ANKK1: variants seen among roughly 807,000 people sequenced by gnomAD.
ANKK1 encodes ankyrin repeat and protein kinase domain-containing protein 1.
Under a neutral mutation model 37.6 loss-of-function variants are expected in ANKK1, and 37 were observed. The ratio of observed to expected loss-of-function variants is 0.98; its 90% confidence interval spans 0.76 to 1.29. The LOEUF (loss-of-function observed/expected upper bound fraction) is 1.29, where lower values mean the gene tolerates loss of function less well. ANKK1 is among the 50% of genes most tolerant of loss of function. ANKK1 has a pLI of 0.00. For synonymous variants in ANKK1, 415 were observed against 418.7 expected, an observed-to-expected ratio of 0.99 and a Z score of 0.11; for missense variants, 1,019 against 990.6, an observed-to-expected ratio of 1.03 and a Z score of -0.39.
In ANKK1 at chr11:113,395,039, G is replaced by A. The variant is rs1297181770; in HGVS notation, c.591G>A (p.Leu197=). ...GCTACATCCCCCCTGAGATGTTCCTGGAGAGTAACAAGGCCCCAGGACCTA... is the reference window on the plus strand; with the variant it reads ...GCTACATCCCCCCTGAGATGTTCCTAGAGAGTAACAAGGCCCCAGGACCTA... ...MLSYIPPEMF[L]ESNKAPGPKY... is the part of the protein sequence containing the mutation. The change falls in exon 3 of 8, where the codon CTG becomes CTA. Residue 197 remains leucine, a synonymous_variant. Transcript: ENST00000303941. The A allele has an allele frequency of 2.5e-6, 4 of 1,613,150 alleles. No individual in the cohort carries two copies. Among genetic ancestry groups the A allele is most frequent in the Non-Finnish European group, 3.4e-6 (4 of 1,179,550 alleles).
At chr11:113,398,847 C>T in intron 7 of ANKK1, 117 bp from the exon 8 acceptor site, 3 of 869,528 alleles carry the variant, frequency 3.5e-6, no homozygotes, top group South Asian at 3.6e-5. Flanking sequence ...AAAGGCATTG[C>T]CCTTACTGCT....
At position 113,399,581 on chromosome 11, in the gene ANKK1, G is replaced by A; in HGVS notation, c.1612G>A (p.Gly538Ser). ...RTPLHLAVER[G>S]KVRAIQHLLK... ...ACCACTGCACCTGGCAGTAGAGCGG[G>A]GCAAAGTGAGGGCCATCCAACACCT... Residue 538 changes from glycine to serine, a missense_variant, in exon 8 of 8, where the codon GGC becomes AGC. By Grantham distance (56) the Gly-to-Ser change is moderately conservative (BLOSUM62 0). Coordinates refer to ENST00000303941, the MANE Select transcript of ANKK1 (RefSeq NM_178510.2). 1 of 1,605,074 alleles carries A rather than the reference G, an allele frequency of 6.2e-7. No homozygotes were observed. Among genetic ancestry groups the A allele is most frequent in the Non-Finnish European group, 8.5e-7 (1 of 1,176,134 alleles).
rs1051656289 is a variant in ANKK1 at position 113,387,907 on chromosome 11, T to G, written c.23T>G (p.Leu8Arg). 37 of 1,558,850 alleles carry G rather than the reference T, an allele frequency of 2.4e-5. 1 individual carries two copies. The highest frequency in any genetic ancestry group is 2.0e-4 in the African/African-American group (15 of 73,894). Reference protein sequence around the residue: MAADPTELRLGSLPVFTR... With the variant: MAADPTERRLGSLPVFTR... ...GCAATGGCTGCCGACCCCACCGAGCTGCGGCTGGGCAGCCTCCCCGTCTTC... is the reference window on the plus strand; with the variant it reads ...GCAATGGCTGCCGACCCCACCGAGCGGCGGCTGGGCAGCCTCCCCGTCTTC... The change falls in exon 1 of 8, where the codon CTG becomes CGG. Residue 8 changes from leucine (L) to arginine (R), a missense_variant. Physicochemically the swap from Leu to Arg is moderately radical, Grantham distance 102 (BLOSUM62 -2). Transcript: ENST00000303941.
chr11:113,391,100 G>A (rs1204668710), intron 1 of ANKK1, among the ~76,000 whole-genome samples: 1 of 152,198 alleles, frequency 6.6e-6, no homozygotes, highest in Non-Finnish European at 1.5e-5. Context: ...GAGATTTGAA[G>A]GAAATGAAGG....
intron 5 of ANKK1, among the ~76,000 whole-genome samples, chr11:113,396,826 G>C (rs1158087705): frequency 6.6e-6 from 1 of 152,204 alleles, no homozygotes; most frequent in Non-Finnish European, 1.5e-5. Context: ...CTGTCACCAA[G>C]CTCTCCAGCC....
chr11:113,396,355 T>G, intron 5 of ANKK1, 133 bp downstream of exon 5: 1 of 1,177,982 alleles, frequency 8.5e-7, no homozygotes, highest in Non-Finnish European at 1.2e-6. Context: ...TTTTTTTTTT[T>G]TTTTCAGAGA....
At chr11:113,397,741 A>G (rs1187584015) in intron 6 of ANKK1, among the ~76,000 whole-genome samples, 1 of 151,970 alleles carries the variant, frequency 6.6e-6, no homozygotes, top group Non-Finnish European at 1.5e-5. Context: ...TGAAGTTCAC[A>G]TGGCCCAAGG....
chr11:113,392,739 C>A (rs756346216), intron 1 of ANKK1, among the ~76,000 whole-genome samples: 1 of 152,194 alleles, frequency 6.6e-6, no homozygotes, highest in Non-Finnish European at 1.5e-5. Context: ...ATGTATTGTG[C>A]AATGCATGGC....
At position 113,399,895 on chromosome 11, in the gene ANKK1, G is replaced by T. The variant is rs780396307; in HGVS notation, c.1926G>T (p.Val642=). ...CACGCCACGGGGAGGAGGCGGTGGTGTCAGCACTGCTGCAGTGTGGGGCTG... is the reference window on the plus strand; with the variant it reads ...CACGCCACGGGGAGGAGGCGGTGGTTTCAGCACTGCTGCAGTGTGGGGCTG... ...LAARHGEEAV[V]SALLQCGADP... Residue 642 remains valine, a synonymous_variant, in exon 8 of 8, where the codon GTG becomes GTT. Transcript: ENST00000303941. 1 of 1,613,262 alleles carries T rather than the reference G, an allele frequency of 6.2e-7. No homozygotes were observed. Among genetic ancestry groups the T allele is most frequent in the African/African-American group, 1.3e-5 (1 of 74,888 alleles).
In ANKK1 at chr11:113,396,055, C is replaced by T. The variant is rs756137100; in HGVS notation, c.683-12C>T. The T allele has an allele frequency of 1.2e-6, 2 of 1,613,474 alleles. No homozygotes were observed. The highest frequency in any genetic ancestry group is 8.5e-7 in the Non-Finnish European group (1 of 1,179,538). ...CTCTCAGCACCCACATAGCCTGAGC[C>T]TCCCTTTGCAGGGTTCAACATGATG... On this transcript the variant is annotated splice_polypyrimidine_tract_variant and intron_variant, in intron 4 of 7. Transcript: ENST00000303941.
intron 4 of ANKK1, among the ~76,000 whole-genome samples, chr11:113,395,725 G>A (rs529105798): frequency 1.8e-4 from 27 of 152,300 alleles, no homozygotes; most frequent in African/African-American, 6.0e-4. Flanking sequence ...CAGGTAAAGA[G>A]ACTGCAGGAA....
intron 1 of ANKK1, 52 bp from the exon 2 acceptor site, chr11:113,393,429 T>C (rs995551678): frequency 6.5e-7 from 1 of 1,547,952 alleles, no homozygotes; most frequent in African/African-American, 1.4e-5. Context: ...AGCTGGTTGC[T>C]GTAGTAATGA....
Position 113,399,060 on chromosome 11 carries a change from C to T in ANKK1, c.1091C>T (p.Thr364Ile). 1 of 1,603,102 alleles carries T rather than the reference C, an allele frequency of 6.2e-7. No individual in the cohort carries two copies. Among genetic ancestry groups the T allele is most frequent in the Non-Finnish European group, 8.5e-7 (1 of 1,174,818 alleles). Residue 364 changes from threonine to isoleucine, a missense_variant, in exon 8 of 8, where the codon ACC (threonine) becomes ATC (isoleucine). Transcript: ENST00000303941. Reference protein sequence around the residue: ...EELCIYENKVTPLHFLVAQGS... With the variant: ...EELCIYENKVIPLHFLVAQGS... ...CTGTGTATCTATGAGAACAAGGTCA[C>T]CCCCCTCCACTTCCTGGTGGCCCAG...
chr11:113,389,937 A>C (rs1168551207), intron 1 of ANKK1, among the ~76,000 whole-genome samples: 1 of 152,182 alleles, frequency 6.6e-6, no homozygotes, highest in Non-Finnish European at 1.5e-5. Context: ...ATTCTGGTTA[A>C]GTTAGGAGAT....
chr11:113,389,835 C>T (rs1950574265), intron 1 of ANKK1, among the ~76,000 whole-genome samples: 1 of 152,126 alleles, frequency 6.6e-6, no homozygotes, highest in Non-Finnish European at 1.5e-5. Flanking sequence ...AGTGGAAAAC[C>T]ACTGAGCATT....
At chr11:113,393,365 C>T (rs1950602925) in intron 1 of ANKK1, 116 bp from the exon 2 acceptor site, 2 of 1,142,842 alleles carry the variant, frequency 1.8e-6, no homozygotes, top group Non-Finnish European at 2.5e-6. Context: ...CTTGCAAGCT[C>T]CTGAGGCTTC....
rs770373484 is a variant in ANKK1, at chr11:113,387,851, G to T, written c.-34G>T. 3.4e-6 allele frequency: 5 copies of T among 1,464,564 alleles called. No individual in the cohort carries two copies. The South Asian group carries it at 6.7e-5, about 20-fold the overall frequency. The allele number at this position is 1,464,564 out of a possible 1,614,324, so 90.7% of individuals were successfully genotyped here. On this transcript the variant is annotated 5_prime_UTR_variant, in exon 1 of 8. Transcript: ENST00000303941. ...CCACCCAGGCAGCAGCCACAGCGGGGAGTGCGCGGCGCGGGGACAGGAAGA... is the reference window on the plus strand; with the variant it reads ...CCACCCAGGCAGCAGCCACAGCGGGTAGTGCGCGGCGCGGGGACAGGAAGA...
chr11:113,391,274 G>A (rs1270150939), intron 1 of ANKK1, among the ~76,000 whole-genome samples: 4 of 152,238 alleles, frequency 2.6e-5, no homozygotes, highest in Non-Finnish European at 5.9e-5. Context: ...AGGTCAGCAA[G>A]CTATGCCTGG....
In ANKK1 at chr11:113,399,712, G is replaced by T; in HGVS notation, c.1743G>T (p.Arg581Ser). The T allele has an allele frequency of 8.1e-6, 13 of 1,598,882 alleles. No individual in the cohort carries two copies. Among genetic ancestry groups the T allele is most frequent in the Non-Finnish European group, 1.1e-5 (13 of 1,172,976 alleles). The change falls in exon 8 of 8, where the codon AGG becomes AGT. Residue 581 changes from arginine (R) to serine (S), a missense_variant. Arg to Ser is a moderately radical substitution (Grantham distance 110, BLOSUM62 -1). Coordinates refer to ENST00000303941, the MANE Select transcript of ANKK1 (RefSeq NM_178510.2). ...GKYLICKMLL[R>S]YGASLELPTH... is the part of the protein sequence containing the mutation. ...ACCTGATCTGCAAGATGCTGCTCAG[G>T]TACGGAGCCAGCCTTGAGCTGCCCA...
Sources: allele counts gnomAD v4.1 joint callset (sites outside exome capture counted in the v4.1 genomes callset), GRCh38; gene constraint gnomAD v4.1.1; transcripts MANE v1.5; gene names NCBI Gene and HGNC (gene_info 2026-07-23, HGNC 2026-07-21).